Variants in TNNI3K observed in about 807,000 individuals in gnomAD.
TNNI3K encodes serine/threonine-protein kinase TNNI3K.
Under a neutral mutation model 114.5 loss-of-function variants are expected in TNNI3K, and 140 were observed. The observed-to-expected ratio is 1.22, with a 90% confidence interval of 1.07 to 1.41. The LOEUF is 1.41. Among genes scored for constraint, TNNI3K ranks in the 40% most tolerant of loss-of-function variants. The pLI, the probability that TNNI3K is intolerant of heterozygous loss-of-function variation, is 0.00. For synonymous variants in TNNI3K, 347 were observed against 347.5 expected (o/e 1.00, Z 0.02); for missense variants, 1,125 against 1,007.6 (o/e 1.12, Z -1.58).
At chr1:74,497,237 G>C (rs923812829) in intron 23 of TNNI3K, among the ~76,000 whole-genome samples, 4 of 152,256 alleles carry the variant, frequency 2.6e-5, no homozygotes, top group African/African-American at 9.6e-5. Context: ...AGAGCAGCAA[G>C]GGGACCGTGT....
In TNNI3K at chr1:74,447,464, C is replaced by T. The variant is rs1390840668; in HGVS notation, c.2011+7842C>T. ...AGTGGGCGAAGGACATGAACAGACA[C>T]TTCTCAAAAGAAGACATTTATGCAG... On this transcript the variant is annotated intron_variant, in intron 20 of 24. Transcript: ENST00000326637. Among the ~76,000 whole-genome samples the T allele has an allele frequency of 2.1e-4, 30 of 143,434 alleles. 3 individuals are homozygous for T. The highest frequency in any genetic ancestry group is 7.6e-4 in the African/African-American group (27 of 35,314). 94.1% of individuals were successfully genotyped at this position (143,434 alleles called of 152,430 possible). A position where few individuals can be genotyped will look rare whatever the true frequency, so the allele number is the denominator to read the frequency against.
At chr1:74,278,859 G>T (rs1656835091) in intron 5 of TNNI3K, among the ~76,000 whole-genome samples, 1 of 152,094 alleles carries the variant, frequency 6.6e-6, no homozygotes, top group East Asian at 1.9e-4. Flanking sequence ...ATGTAATGTG[G>T]TCTTTTTGTG....
intron 23 of TNNI3K, among the ~76,000 whole-genome samples, chr1:74,539,824 A>C (rs1646704322): frequency 6.6e-6 from 1 of 151,858 alleles, no homozygotes; most frequent in Admixed American, 6.6e-5. Flanking sequence ...TTATCATAAA[A>C]ATAATATAAT....
intron 5 of TNNI3K, among the ~76,000 whole-genome samples, chr1:74,299,726 G>A (rs488112): frequency 0.99 from 150,863 of 152,230 alleles, 74,773 homozygotes; most frequent in Middle Eastern, 1. Flanking sequence ...GCATCATGGT[G>A]TATGTAGAAA....
chr1:74,294,667 C>T (rs1467660475), intron 5 of TNNI3K, among the ~76,000 whole-genome samples: 1 of 152,044 alleles, frequency 6.6e-6, no homozygotes, highest in Non-Finnish European at 1.5e-5. Flanking sequence ...TCACCCAAAT[C>T]TCCAAATTTA....
chr1:74,415,230 T>C (rs1665061408), intron 17 of TNNI3K, among the ~76,000 whole-genome samples: 1 of 152,144 alleles, frequency 6.6e-6, no homozygotes, highest in South Asian at 2.1e-4. Context: ...AATATTATCC[T>C]ATTAGTGAGT....
At chr1:74,358,724 G>T (rs191725186) in intron 11 of TNNI3K, among the ~76,000 whole-genome samples, 7 of 151,880 alleles carry the variant, frequency 4.6e-5, no homozygotes, top group Admixed American at 2.0e-4. Context: ...TTCGTATACT[G>T]GTTATCTTCT....
chr1:74,424,481 G>T lies in TNNI3K; in HGVS notation c.1773-11599G>T, dbSNP rs531971476. 2.0e-5 allele frequency among the ~76,000 whole-genome samples: 3 copies of T among 152,164 alleles called. No homozygotes were observed. The East Asian group carries it at 5.8e-4, about 30-fold the overall frequency. On this transcript the variant is annotated intron_variant, in intron 17 of 24. Coordinates refer to ENST00000326637, the MANE Select transcript of TNNI3K (RefSeq NM_015978.3). ...CACCTGTTATCCCAGCACTTTGGGAGGCCAAGGTGGGTGGACCACTTGAGG... is the reference window on the plus strand; with the variant it reads ...CACCTGTTATCCCAGCACTTTGGGATGCCAAGGTGGGTGGACCACTTGAGG...
In TNNI3K at chr1:74,355,872, G is replaced by A. The variant is rs186725527; in HGVS notation, c.1177+1743G>A. The stretch of plus-strand genomic sequence containing the variant: ...GATATAGGCTTGCTGTATTTTGGTG[G>A]GCTTATTTTGCTTTTTATTTGAATA... On this transcript the variant is annotated intron_variant, in intron 11 of 24. Coordinates refer to ENST00000326637, the MANE Select transcript of TNNI3K (RefSeq NM_015978.3). Among the ~76,000 whole-genome samples, 131 of 152,042 alleles carry A rather than the reference G, an allele frequency of 8.6e-4. 2 individuals are homozygous for A. Among genetic ancestry groups the A allele is most frequent in the African/African-American group, 3.1e-3 (128 of 41,476 alleles).
intron 17 of TNNI3K, among the ~76,000 whole-genome samples, chr1:74,411,434 A>C (rs897348049): frequency 5.3e-5 from 8 of 152,154 alleles, no homozygotes; most frequent in African/African-American, 1.7e-4. Context: ...TTTTATATAC[A>C]AATGCAGCCA....
chr1:74,542,814 T>C (rs897395688), intron 24 of TNNI3K, among the ~76,000 whole-genome samples: 2 of 152,088 alleles, frequency 1.3e-5, no homozygotes, highest in Non-Finnish European at 2.9e-5. Flanking sequence ...TGCTTCAGAG[T>C]GAAAAGAAAA....
At chr1:74,523,919 C>T (rs1347554437) in intron 23 of TNNI3K, among the ~76,000 whole-genome samples, 2 of 152,024 alleles carry the variant, frequency 1.3e-5, no homozygotes, top group African/African-American at 4.8e-5. Context: ...TGCTATCCCT[C>T]CCCTTTCCCC....
At chr1:74,384,748 C>A (rs1179284022) in intron 17 of TNNI3K, among the ~76,000 whole-genome samples, 1 of 152,180 alleles carries the variant, frequency 6.6e-6, no homozygotes, top group East Asian at 1.9e-4. Context: ...CTGAAAAAAA[C>A]AGTGGCAACG....
At chr1:74,541,337 G>C (rs148494488) in intron 24 of TNNI3K, among the ~76,000 whole-genome samples, 1 of 152,012 alleles carries the variant, frequency 6.6e-6, no homozygotes, top group Non-Finnish European at 1.5e-5. Flanking sequence ...AAACTATTTG[G>C]GCACATTTAA....
chr1:74,416,594 T>G (rs1208827110), intron 17 of TNNI3K: 2 of 977,350 alleles, frequency 2.0e-6, no homozygotes, highest in Non-Finnish European at 2.4e-6. Flanking sequence ...TTAATATGCT[T>G]CTGTTTCCCC....
At chr1:74,462,952 G>C (rs1296694499) in intron 20 of TNNI3K, among the ~76,000 whole-genome samples, 1 of 152,140 alleles carries the variant, frequency 6.6e-6, no homozygotes, top group Non-Finnish European at 1.5e-5. Flanking sequence ...CAACAACTTT[G>C]TAACCAGTAA....
chr1:74,486,193 A>G (rs1301577085), intron 21 of TNNI3K, among the ~76,000 whole-genome samples: 1 of 81,144 alleles, frequency 1.2e-5, no homozygotes, highest in Non-Finnish European at 3.0e-5. Flanking sequence ...CTCAGGCTAA[A>G]TGCTATAAAG....
chr1:74,405,352 C>T lies in TNNI3K; in HGVS notation c.1773-30728C>T, dbSNP rs718931. On this transcript the variant is annotated intron_variant, in intron 17 of 24. Transcript: ENST00000326637. ...CCAAAATACGCAGGGTGGTTTAAAC[C>T]AAGCAAATGAGTTTTGGAACTATGA... is the stretch of plus-strand genomic sequence containing the variant. 5.3e-3 allele frequency among the ~76,000 whole-genome samples: 806 copies of T among 152,082 alleles called. 10 individuals carry two copies. Among genetic ancestry groups the T allele is most frequent in the African/African-American group, 0.019 (778 of 41,484 alleles).
intron 5 of TNNI3K, among the ~76,000 whole-genome samples, chr1:74,304,886 C>A (rs1320807066): frequency 6.6e-6 from 1 of 152,074 alleles, no homozygotes; most frequent in Non-Finnish European, 1.5e-5. Flanking sequence ...TATTTTATTG[C>A]AAAATTAATT....
Sources: allele counts gnomAD v4.1 joint callset (sites outside exome capture counted in the v4.1 genomes callset), GRCh38; gene constraint gnomAD v4.1.1; transcripts MANE v1.5; gene names NCBI Gene and HGNC (gene_info 2026-07-23, HGNC 2026-07-21).